SLC10A7: variants seen among roughly 807,000 people sequenced by gnomAD.
The protein encoded by SLC10A7 is solute carrier family 10 member 7.
Under a neutral mutation model 43.2 loss-of-function variants are expected in SLC10A7, and 29 were observed. The observed-to-expected ratio is 0.67, with a 90% CI of 0.50 to 0.92. The LOEUF (loss-of-function observed/expected upper bound fraction) is 0.92. Ranked by LOEUF, SLC10A7 falls within the 40% of genes least tolerant of loss-of-function variation. SLC10A7 has a pLI of 0.00. For synonymous variants in SLC10A7, 152 were observed against 144.8 expected (o/e 1.05, Z -0.35); for missense variants, 295 against 403.2 (o/e 0.73, Z 2.30).
chr4:146,497,085 C>T (rs1735971230), intron 4 of SLC10A7, among the ~76,000 whole-genome samples: 1 of 152,126 alleles, frequency 6.6e-6, no homozygotes, highest in African/African-American at 2.4e-5. Flanking sequence ...ATTCTTGAGG[C>T]CCATCCACTA....
At chr4:146,424,538 T>TA (rs1729186328) in intron 5 of SLC10A7, among the ~76,000 whole-genome samples, 1 of 151,940 alleles carries the variant, frequency 6.6e-6, no homozygotes, top group Non-Finnish European at 1.5e-5. Context: ...AGGCCACCTG[T>TA]AATCCCAGCT....
chr4:146,289,706 G>GTTTTTTTTTTTTT (rs776153195), intron 9 of SLC10A7, among the ~76,000 whole-genome samples: 1 of 88,072 alleles, frequency 1.1e-5, no homozygotes, highest in African/African-American at 4.7e-5. Flanking sequence ...CTGATTATTA[G>GTTTTTTTTTTTTT]TTTTTTTTTT....
chr4:146,491,002 C>A (rs1391456743), intron 4 of SLC10A7, among the ~76,000 whole-genome samples: 3 of 152,052 alleles, frequency 2.0e-5, no homozygotes, highest in African/African-American at 4.8e-5. Context: ...GGTTGGGGAG[C>A]CAAATATATG....
intron 5 of SLC10A7, among the ~76,000 whole-genome samples, chr4:146,360,280 A>G (rs1465107670): frequency 6.6e-6 from 1 of 152,044 alleles, no homozygotes; most frequent in Non-Finnish European, 1.5e-5. Flanking sequence ...CCCTGCTCCA[A>G]TCCACTTTTC....
chr4:146,321,923 A>G (rs1732737452), intron 6 of SLC10A7, among the ~76,000 whole-genome samples: 1 of 152,220 alleles, frequency 6.6e-6, no homozygotes, highest in African/African-American at 2.4e-5. Context: ...TGCGATGCAT[A>G]TGATGTAAAG....
intron 5 of SLC10A7, among the ~76,000 whole-genome samples, chr4:146,346,309 C>T (rs1560819148): frequency 1.3e-5 from 2 of 152,064 alleles, no homozygotes. Context: ...GCTTTGGTAG[C>T]TTTTTATGTT....
chr4:146,464,480 A>G (rs1046657693), intron 4 of SLC10A7, among the ~76,000 whole-genome samples: 1 of 152,154 alleles, frequency 6.6e-6, no homozygotes, highest in African/African-American at 2.4e-5. Flanking sequence ...TATATACCAT[A>G]CAAGAACATA....
intron 4 of SLC10A7, among the ~76,000 whole-genome samples, chr4:146,462,793 G>A (rs1220923658): frequency 1.3e-5 from 2 of 152,088 alleles, no homozygotes; most frequent in Non-Finnish European, 2.9e-5. Flanking sequence ...ACAACGGTGT[G>A]TAAGTAACTC....
At chr4:146,269,763 C>T (rs1416360691) in intron 10 of SLC10A7, among the ~76,000 whole-genome samples, 1 of 152,088 alleles carries the variant, frequency 6.6e-6, no homozygotes, top group African/African-American at 2.4e-5. Flanking sequence ...CATGAGCTTT[C>T]GTTGACTCTG....
At chr4:146,511,779 T>C (rs905419280) in intron 2 of SLC10A7, among the ~76,000 whole-genome samples, 4 of 152,170 alleles carry the variant, frequency 2.6e-5, no homozygotes, top group African/African-American at 9.7e-5. Flanking sequence ...ATCAGAATTC[T>C]TAGAGCTCTA....
At chr4:146,506,685 T>C (rs1009610890) in intron 3 of SLC10A7, among the ~76,000 whole-genome samples, 2 of 152,236 alleles carry the variant, frequency 1.3e-5, no homozygotes, top group South Asian at 2.1e-4. Context: ...TGGTTACCAT[T>C]GTAGTTCATT....
At chr4:146,367,093 G>A (rs1003914393) in intron 5 of SLC10A7, among the ~76,000 whole-genome samples, 3 of 151,872 alleles carry the variant, frequency 2.0e-5, no homozygotes, top group African/African-American at 7.3e-5. Flanking sequence ...CTAGAATAAT[G>A]TATAGATTTG....
intron 10 of SLC10A7, among the ~76,000 whole-genome samples, chr4:146,262,572 C>T (rs148564874): frequency 6.4e-4 from 98 of 152,336 alleles, no homozygotes; most frequent in African/African-American, 2.0e-3. Context: ...TTGTCCTCAT[C>T]ACTCACTTGC....
At chr4:146,462,229 T>C (rs114279471) in intron 4 of SLC10A7, among the ~76,000 whole-genome samples, 205 of 152,210 alleles carry the variant, frequency 1.3e-3, no homozygotes, top group Admixed American at 2.3e-3. Context: ...TACTCAAATA[T>C]TTATATGGGG....
At chr4:146,414,534 G>A (rs541501975) in intron 5 of SLC10A7, among the ~76,000 whole-genome samples, 56 of 152,138 alleles carry the variant, frequency 3.7e-4, no homozygotes, top group South Asian at 2.5e-3. Context: ...GACTAGCCTG[G>A]CCAACATGGT....
At chr4:146,310,818 G>T (rs1418572218) in intron 6 of SLC10A7, among the ~76,000 whole-genome samples, 2 of 152,158 alleles carry the variant, frequency 1.3e-5, no homozygotes, top group East Asian at 3.9e-4. Flanking sequence ...CACAAGTGTA[G>T]CTCCAAAGCC....
rs1342745218 is a variant in SLC10A7 at position 146,325,956 on chromosome 4, C to CA, written c.471+4_471+5insT. 6 of 1,610,464 alleles carry CA rather than the reference C, an allele frequency of 3.7e-6. No homozygotes were observed. Among genetic ancestry groups the CA allele is most frequent in the Non-Finnish European group, 5.1e-6 (6 of 1,177,966 alleles). ...ATATATTAAAGACAACATCAAAATA[C>CA]TCACAAAAAGCAGCAGGAGCAGGGG... On this transcript the variant is annotated splice_donor_region_variant and intron_variant, in intron 6 of 11. Transcript: ENST00000335472.
intron 4 of SLC10A7, among the ~76,000 whole-genome samples, chr4:146,501,415 C>T (rs1736404257): frequency 6.6e-6 from 1 of 152,140 alleles, no homozygotes; most frequent in South Asian, 2.1e-4. Flanking sequence ...AATGACAATA[C>T]ATGGTAAGGC....
intron 5 of SLC10A7, among the ~76,000 whole-genome samples, chr4:146,332,636 A>T (rs1733614554): frequency 6.6e-6 from 1 of 152,162 alleles, no homozygotes; most frequent in Non-Finnish European, 1.5e-5. Context: ...AGCAGAGGCC[A>T]TTATGCTTCC....
Sources: allele counts gnomAD v4.1 joint callset (sites outside exome capture counted in the v4.1 genomes callset), GRCh38; gene constraint gnomAD v4.1.1; transcripts MANE v1.5; gene names NCBI Gene and HGNC (gene_info 2026-07-23, HGNC 2026-07-21).